The following NRG1 variants were observed in gnomAD, a reference collection of about 807,000 sequenced individuals.
NRG1 encodes the protein pro-neuregulin-1, membrane-bound isoform.
NRG1 carries 18 observed loss-of-function variants against 63.8 expected under a neutral mutation model. That is an observed-to-expected ratio of 0.28 (90% CI 0.19 to 0.42). The LOEUF (loss-of-function observed/expected upper bound fraction) is 0.42. Ranked by LOEUF, NRG1 falls within the 10% of genes least tolerant of loss-of-function variation. NRG1 has a pLI of 1.00. For synonymous variants in NRG1, 302 were observed against 301.3 expected (o/e 1.00, Z -0.02); for missense variants, 762 against 814.7 (o/e 0.94, Z 0.79).
chr8:31,652,638 G>A (rs1331319414), intron 1 of NRG1, among the ~76,000 whole-genome samples: 1 of 152,094 alleles, frequency 6.6e-6, no homozygotes, highest in Non-Finnish European at 1.5e-5. Flanking sequence ...CTATCTACCT[G>A]TTTGTTGTAC....
At chr8:32,597,641 A>AG in intron 2 of NRG1, among the ~76,000 whole-genome samples, 1 of 152,130 alleles carries the variant, frequency 6.6e-6, no homozygotes, top group Non-Finnish European at 1.5e-5. Context: ...TAGGAAATTG[A>AG]GGGTCAAAAA....
At chr8:32,290,313 A>G (rs1854040320) in intron 1 of NRG1, among the ~76,000 whole-genome samples, 1 of 152,138 alleles carries the variant, frequency 6.6e-6, no homozygotes, top group Admixed American at 6.5e-5. Flanking sequence ...TCATACAGTC[A>G]TATGAAATGA....
chr8:32,585,703 C>A (rs1251995202), intron 1 of NRG1, among the ~76,000 whole-genome samples: 1 of 152,110 alleles, frequency 6.6e-6, no homozygotes, highest in Admixed American at 6.5e-5. Flanking sequence ...TTTATTTCCC[C>A]ATCAATTATC....
intron 1 of NRG1, among the ~76,000 whole-genome samples, chr8:32,277,140 T>G (rs187330228): frequency 6.6e-6 from 1 of 152,362 alleles, no homozygotes; most frequent in Non-Finnish European, 1.5e-5. Context: ...CTCCTGCCAT[T>G]GTAATGTATG....
intron 5 of NRG1, among the ~76,000 whole-genome samples, chr8:32,657,453 G>A (rs7814926): frequency 0.038 from 5,823 of 152,118 alleles, 371 homozygotes; most frequent in African/African-American, 0.13. Context: ...AGCATCAGAG[G>A]TTATAGAGTA....
intron 1 of NRG1, among the ~76,000 whole-genome samples, chr8:31,697,114 G>A (rs1311861172): frequency 1.3e-5 from 2 of 152,160 alleles, no homozygotes; most frequent in African/African-American, 4.8e-5. Flanking sequence ...TGGCTCTGAA[G>A]CAATTTAAGC....
In NRG1 at chr8:31,731,417, T is replaced by TACACACACTCAC. The variant is rs1554517429; in HGVS notation, c.37+91994_37+91995insTCACACACACAC. 1.3e-4 allele frequency among the ~76,000 whole-genome samples: 19 copies of TACACACACTCAC among 148,410 alleles called. No individual in the cohort carries two copies. The South Asian group carries it at 2.2e-3, about 17-fold the overall frequency. On this transcript the variant is annotated intron_variant, in intron 1 of 10. Transcript: ENST00000519301. ...AAAAGTAGGATACAAAATTATGTCA[T>TACACACACTCAC]ACACACACACACACACACACACACA...
At chr8:32,181,930 TA>T (rs573750127) in intron 1 of NRG1, among the ~76,000 whole-genome samples, 3 of 152,074 alleles carry the variant, frequency 2.0e-5, no homozygotes, top group Non-Finnish European at 2.9e-5. Flanking sequence ...TAACTAACAG[TA>T]AAAAAAATTG....
chr8:31,995,098 G>C (rs907128558), intron 1 of NRG1, among the ~76,000 whole-genome samples: 3 of 151,714 alleles, frequency 2.0e-5, no homozygotes, highest in Non-Finnish European at 4.4e-5. Context: ...CCATGTAAGG[G>C]GACTATCTTA....
chr8:31,860,543 T>C (rs966553813), intron 1 of NRG1, among the ~76,000 whole-genome samples: 1 of 152,148 alleles, frequency 6.6e-6, no homozygotes. Context: ...TGAAAAGTAA[T>C]TACCGTATGT....
chr8:32,147,668 C>A, intron 1 of NRG1, among the ~76,000 whole-genome samples: 1 of 152,086 alleles, frequency 6.6e-6, no homozygotes, highest in East Asian at 1.9e-4. Flanking sequence ...CATCCACTTC[C>A]CTCTAACTCT....
At chr8:32,608,092 G>GTTTTGTTTT (rs1845594606) in intron 3 of NRG1, among the ~76,000 whole-genome samples, 1 of 106,158 alleles carries the variant, frequency 9.4e-6, no homozygotes, top group African/African-American at 3.4e-5. Context: ...GGTTTTTTTT[G>GTTTTGTTTT]TTTTTTTTTT....
chr8:32,756,292 CACCAGTCTACTGCCTTGAA>C (rs1211294750), intron 8 of NRG1, 92 bp from the exon 9 acceptor site: 1 of 1,197,946 alleles, frequency 8.3e-7, no homozygotes, highest in African/African-American at 1.5e-5. Context: ...TCTTCCTCAT[CACCAGTCTACTGCCTTGAA>C]CTACTCATAG....
exon 2 of NRG1, chr8:32,595,828 C>T: frequency 6.2e-7 from 1 of 1,603,464 alleles, no homozygotes; most frequent in Non-Finnish European, 8.5e-7. Flanking sequence ...CTTCTTTTAG[C>T]CTTGCCTCCC....
intron 1 of NRG1, among the ~76,000 whole-genome samples, chr8:31,952,127 T>C (rs115618401): frequency 0.024 from 3,614 of 152,300 alleles, 151 homozygotes; most frequent in African/African-American, 0.082. Context: ...AGGAGTATTA[T>C]AGGATGTTTC....
chr8:32,123,737 T>G (rs16878855), intron 1 of NRG1, among the ~76,000 whole-genome samples: 3,576 of 151,428 alleles, frequency 0.024, 151 homozygotes, highest in African/African-American at 0.082. Context: ...CAGTGTTTCT[T>G]TAGGAAATGT....
At chr8:32,743,019 CA>C in intron 7 of NRG1, 1 of 1,214,128 alleles carries the variant, frequency 8.2e-7, no homozygotes, top group Non-Finnish European at 1.0e-6. Flanking sequence ...CAATATCAAG[CA>C]GTGAAATATG....
intron 5 of NRG1, among the ~76,000 whole-genome samples, chr8:32,684,326 A>C (rs1196256675): frequency 1.3e-5 from 2 of 152,192 alleles, no homozygotes; most frequent in African/African-American, 4.8e-5. Context: ...AGATAAACAC[A>C]CAGGAAAAAA....
At chr8:32,605,809 A>G in intron 3 of NRG1, 126 bp downstream of exon 3, 2 of 1,101,020 alleles carry the variant, frequency 1.8e-6, no homozygotes, top group Non-Finnish European at 2.5e-6. Context: ...GAGAAAGAAA[A>G]CCAGATGTTT....
Sources: gnomAD v4.1 joint callset for allele counts (sites outside exome capture counted in the v4.1 genomes callset) on GRCh38, gnomAD v4.1.1 for gene constraint, MANE v1.5 for transcripts, NCBI Gene and HGNC (gene_info 2026-07-23, HGNC 2026-07-21) for gene names.